Variants in GASK1A observed in about 807,000 individuals in gnomAD.
GASK1A encodes the protein Golgi-associated kinase 1A.
GASK1A carries 40 observed loss-of-function variants against 41.2 expected under a neutral mutation model. That is an observed-to-expected ratio of 0.97 (90% CI 0.75 to 1.27). The LOEUF (loss-of-function observed/expected upper bound fraction) is 1.27. Among genes scored for constraint, GASK1A ranks in the 50% most tolerant of loss-of-function variants. GASK1A has a pLI of 0.00. For missense variants in GASK1A, 678 were observed against 745.1 expected (o/e 0.91, Z 1.05); for synonymous variants, 316 against 307.1 (o/e 1.03, Z -0.30).
rs79647357 is a variant in GASK1A at position 43,039,835 on chromosome 3, G to A, written c.1290+6282G>A. Among the ~76,000 whole-genome samples, 776 of 152,270 alleles carry A rather than the reference G, an allele frequency of 5.1e-3. 2 individuals are homozygous for A. The highest frequency in any genetic ancestry group is 0.018 in the African/African-American group (738 of 41,560). ...AGTTTGCTTAGGATTATGGCCTCCA[G>A]CTCCATCCATGTTCTTTGCCCTATT... is the stretch of plus-strand genomic sequence containing the variant. On this transcript the variant is annotated intron_variant, in intron 2 of 4. Transcript: ENST00000430121.
At chr3:43,031,782 G>A (rs970236428) in intron 1 of GASK1A, among the ~76,000 whole-genome samples, 3 of 152,228 alleles carry the variant, frequency 2.0e-5, no homozygotes, top group African/African-American at 7.2e-5. Flanking sequence ...ACACCCTGTT[G>A]CTAAGGAGGC....
chr3:43,053,810 T>C (rs1233772452), intron 3 of GASK1A, 167 bp downstream of exon 3: 1 of 831,796 alleles, frequency 1.2e-6, no homozygotes, highest in Non-Finnish European at 2.0e-6. Flanking sequence ...GAGTCCGCAA[T>C]ATATAAAGCT....
chr3:42,983,629 G>T (rs1441489449), intron 1 of GASK1A, among the ~76,000 whole-genome samples: 1 of 152,150 alleles, frequency 6.6e-6, no homozygotes, highest in Non-Finnish European at 1.5e-5. Context: ...GAGTCCCTCT[G>T]CACTGAATGA....
chr3:42,988,416 C>T (rs764287223), intron 1 of GASK1A, among the ~76,000 whole-genome samples: 4 of 152,098 alleles, frequency 2.6e-5, no homozygotes, highest in Non-Finnish European at 5.9e-5. Flanking sequence ...CTATAAGAGC[C>T]AGGTTGGGTA....
At chr3:43,029,873 C>G (rs2089565740) in intron 1 of GASK1A, among the ~76,000 whole-genome samples, 1 of 152,132 alleles carries the variant, frequency 6.6e-6, no homozygotes, top group South Asian at 2.1e-4. Context: ...GAAACTGCCA[C>G]TGACTTAGAA....
intron 1 of GASK1A, among the ~76,000 whole-genome samples, chr3:43,029,391 T>C (rs1261495707): frequency 1.3e-5 from 2 of 152,126 alleles, no homozygotes; most frequent in Non-Finnish European, 2.9e-5. Flanking sequence ...TGCGTCCTCT[T>C]GTGCAGCTGT....
intron 1 of GASK1A, among the ~76,000 whole-genome samples, chr3:43,013,684 G>T (rs1409803422): frequency 1.3e-5 from 2 of 152,114 alleles, no homozygotes; most frequent in Non-Finnish European, 2.9e-5. Context: ...GGAAGGTGCT[G>T]TGTGAAGTCA....
chr3:43,024,179 G>A (rs533202116), intron 1 of GASK1A, among the ~76,000 whole-genome samples: 11 of 152,244 alleles, frequency 7.2e-5, no homozygotes, highest in South Asian at 2.1e-4. Flanking sequence ...CATACCTTTC[G>A]TGTGCAAACC....
chr3:43,007,934 T>C (rs1363103770), intron 1 of GASK1A, among the ~76,000 whole-genome samples: 1 of 152,216 alleles, frequency 6.6e-6, no homozygotes, highest in Non-Finnish European at 1.5e-5. Context: ...AAGGCCTTTT[T>C]ATTCTATCCT....
chr3:43,056,004 G>A, intron 4 of GASK1A, 172 bp from the exon 5 acceptor site: 1 of 603,204 alleles, frequency 1.7e-6, no homozygotes, highest in Non-Finnish European at 2.9e-6. Context: ...CCAGGCAAAG[G>A]GTCCTCTGTT....
intron 1 of GASK1A, among the ~76,000 whole-genome samples, chr3:43,026,301 C>T (rs771192381): frequency 1.4e-4 from 21 of 152,172 alleles, no homozygotes; most frequent in Admixed American, 1.1e-3. Flanking sequence ...TCATGAAAAC[C>T]GGTTGATTTC....
chr3:43,006,560 CA>C (rs955038810), intron 1 of GASK1A, among the ~76,000 whole-genome samples: 6 of 152,140 alleles, frequency 3.9e-5, no homozygotes, highest in Admixed American at 1.3e-4. Context: ...AGTCCACAGC[CA>C]TTCTGATTCT....
chr3:43,001,577 T>C (rs2089409257), intron 1 of GASK1A, among the ~76,000 whole-genome samples: 1 of 152,188 alleles, frequency 6.6e-6, no homozygotes, highest in African/African-American at 2.4e-5. Context: ...AGGGGAAATA[T>C]TGATTAATTT....
intron 1 of GASK1A, among the ~76,000 whole-genome samples, chr3:43,003,191 G>A (rs1399837206): frequency 6.6e-6 from 1 of 152,106 alleles, no homozygotes; most frequent in African/African-American, 2.4e-5. Context: ...GAGACTAGAT[G>A]TGTTAAAAGT....
intron 1 of GASK1A, among the ~76,000 whole-genome samples, chr3:42,991,896 C>G (rs1241798236): frequency 1.3e-5 from 2 of 152,156 alleles, no homozygotes; most frequent in Non-Finnish European, 2.9e-5. Context: ...TCCTGGATAG[C>G]ACGGGTGCTC....
intron 1 of GASK1A, among the ~76,000 whole-genome samples, chr3:42,998,988 A>T (rs1039958174): frequency 6.6e-6 from 1 of 151,860 alleles, no homozygotes; most frequent in Non-Finnish European, 1.5e-5. Flanking sequence ...TTTTTAACCT[A>T]ATATGTGTGT....
chr3:43,043,440 A>G (rs544946338), intron 2 of GASK1A, among the ~76,000 whole-genome samples: 1 of 152,318 alleles, frequency 6.6e-6, no homozygotes. Flanking sequence ...CAGTGACCCT[A>G]CTATATCCTT....
intron 1 of GASK1A, among the ~76,000 whole-genome samples, chr3:43,014,105 T>G (rs2089477959): frequency 6.8e-6 from 1 of 146,370 alleles, no homozygotes; most frequent in Admixed American, 6.8e-5. Context: ...CAGTAGGAAG[T>G]CACAGGAAGG....
At chr3:43,040,603 G>A (rs1028942287) in intron 2 of GASK1A, among the ~76,000 whole-genome samples, 1 of 152,114 alleles carries the variant, frequency 6.6e-6, no homozygotes, top group Non-Finnish European at 1.5e-5. Context: ...CTCTCCATCT[G>A]TTCACGTTCC....
Sources: gnomAD v4.1 joint callset for allele counts (sites outside exome capture counted in the v4.1 genomes callset) on GRCh38, gnomAD v4.1.1 for gene constraint, MANE v1.5 for transcripts, NCBI Gene and HGNC (gene_info 2026-07-23, HGNC 2026-07-21) for gene names.